Variants in POF1B observed in about 807,000 individuals in gnomAD.
The protein encoded by POF1B is POF1B actin binding protein.
Under a neutral mutation model 55.3 loss-of-function variants are expected in POF1B, and 53 were observed. That is an observed-to-expected ratio of 0.96 (90% CI 0.77 to 1.20). The LOEUF (loss-of-function observed/expected upper bound fraction) is 1.20. Among genes scored for constraint, POF1B ranks in the 50% most tolerant of loss-of-function variants. The pLI is 0.00. For synonymous variants in POF1B, 188 were observed against 148.3 expected (o/e 1.27, Z -1.95); for missense variants, 478 against 420.5 (o/e 1.14, Z -1.20).
chrX:85,307,664 G>A (rs1460698933), intron 10 of POF1B, among the ~76,000 whole-genome samples: 1 of 111,858 alleles, frequency 8.9e-6, no homozygotes, highest in East Asian at 2.8e-4. Flanking sequence ...TATTCAATGT[G>A]TGGAAAGCAT....
intron 5 of POF1B, among the ~76,000 whole-genome samples, chrX:85,347,387 A>G (rs924943472): frequency 3.6e-5 from 4 of 111,327 alleles, no homozygotes; most frequent in Admixed American, 9.6e-5. Flanking sequence ...AAAAGTACAA[A>G]AGAATGAAAT....
Position 85,349,753 on chromosome X carries a change from C to T in POF1B, c.540+1597G>A, listed in dbSNP as rs145140235. Among the ~76,000 whole-genome samples, 1,055 of 111,140 alleles carry T rather than the reference C, an allele frequency of 9.5e-3. 6 individuals carry two copies. Among genetic ancestry groups the T allele is most frequent in the Non-Finnish European group, 0.016 (825 of 52,746 alleles). On this transcript the variant is annotated intron_variant, in intron 5 of 16. Coordinates refer to ENST00000262753, the MANE Select transcript of POF1B (RefSeq NM_024921.4). ...AGCTTCAGAGAGAACATAGCCCTGC[C>T]AACATAGTAATTTCAGACTTCTGGC...
intron 2 of POF1B, among the ~76,000 whole-genome samples, chrX:85,372,772 AC>A (rs1170889192): frequency 2.0e-5 from 2 of 101,497 alleles, no homozygotes; most frequent in African/African-American, 7.2e-5. Flanking sequence ...TATTATATAT[AC>A]TATATATATA....
chrX:85,283,860 T>C (rs893855984), intron 15 of POF1B, among the ~76,000 whole-genome samples: 5 of 111,153 alleles, frequency 4.5e-5, no homozygotes, highest in African/African-American at 1.6e-4. Context: ...AACTTCTCAG[T>C]CACAATGAAA....
chrX:85,303,427 C>T lies in POF1B; in HGVS notation c.1628G>A (p.Arg543Lys). 1 of 1,185,228 alleles carries T rather than the reference C, an allele frequency of 8.4e-7. No homozygotes were observed. Among genetic ancestry groups the T allele is most frequent in the Non-Finnish European group, 1.1e-6 (1 of 875,544 alleles). ...TTACTTTTTAGTGGTAATAGTAGTC[C>T]TTCCACCAGTGGAGGGTTGGTTATG... ...SSHNQPSTGG[R>K]TTITTKKYRT... The change falls in exon 15 of 17, where the codon AGG becomes AAG. Residue 543 changes from arginine to lysine, a missense_variant. Arg to Lys is a conservative substitution (Grantham distance 26). Coordinates refer to ENST00000262753, the MANE Select transcript of POF1B (RefSeq NM_024921.4).
At chrX:85,321,079 C>T (rs995022801) in intron 7 of POF1B, among the ~76,000 whole-genome samples, 1 of 111,831 alleles carries the variant, frequency 8.9e-6, no homozygotes, top group Non-Finnish European at 1.9e-5. Flanking sequence ...GGAATCTTCC[C>T]TAATTCATTT....
chrX:85,298,060 G>C (rs1932347389), intron 15 of POF1B, among the ~76,000 whole-genome samples: 1 of 112,375 alleles, frequency 8.9e-6, no homozygotes, highest in African/African-American at 3.2e-5. Flanking sequence ...TGTTGTGCTA[G>C]GAGAGCTGAA....
chrX:85,351,202 T>G (rs1418630124), intron 5 of POF1B, 148 bp downstream of exon 5: 4 of 355,553 alleles, frequency 1.1e-5, no homozygotes, highest in Admixed American at 6.0e-5. Flanking sequence ...GTATTAAGGA[T>G]GGTATGAAGG....
intron 3 of POF1B, among the ~76,000 whole-genome samples, chrX:85,360,657 C>CATGT (rs1315132067): frequency 9.6e-6 from 1 of 104,306 alleles, no homozygotes; most frequent in African/African-American, 3.6e-5. Context: ...CATTCATGTA[C>CATGT]ATGTGTCTTT....
chrX:85,365,719 AG>A (rs1933708810), intron 3 of POF1B, among the ~76,000 whole-genome samples: 1 of 111,604 alleles, frequency 9.0e-6, no homozygotes, highest in African/African-American at 3.3e-5. Context: ...TTGGCACTCC[AG>A]GGATGTCCAT....
intron 15 of POF1B, among the ~76,000 whole-genome samples, chrX:85,283,524 TAAAAG>T (rs1159453199): frequency 3.6e-5 from 4 of 109,905 alleles, no homozygotes; most frequent in Admixed American, 2.0e-4. Flanking sequence ...AAATAAAACA[TAAAAG>T]AAAACGGAAA....
At chrX:85,302,209 G>A (rs563914811) in intron 15 of POF1B, among the ~76,000 whole-genome samples, 1 of 111,174 alleles carries the variant, frequency 9.0e-6, no homozygotes, top group African/African-American at 3.3e-5. Flanking sequence ...TCTCTGATAA[G>A]GGACTTGTGA....
chrX:85,348,940 A>G (rs1257258319), intron 5 of POF1B, among the ~76,000 whole-genome samples: 1 of 111,483 alleles, frequency 9.0e-6, no homozygotes, highest in African/African-American at 3.2e-5. Flanking sequence ...AAACGTGTCA[A>G]ACTTATTTTT....
At chrX:85,351,670 T>G (rs932006235) in intron 4 of POF1B, among the ~76,000 whole-genome samples, 1 of 110,738 alleles carries the variant, frequency 9.0e-6, no homozygotes, top group Non-Finnish European at 1.9e-5. Context: ...CTATTACATT[T>G]TACTAAGCCT....
At chrX:85,284,580 T>C (rs1362682793) in intron 15 of POF1B, among the ~76,000 whole-genome samples, 4 of 111,593 alleles carry the variant, frequency 3.6e-5, no homozygotes, top group Non-Finnish European at 7.5e-5. Flanking sequence ...TAATAAATGG[T>C]GCTGGGAAAA....
chrX:85,374,604 G>T (rs1480038977), intron 2 of POF1B, among the ~76,000 whole-genome samples: 1 of 112,253 alleles, frequency 8.9e-6, no homozygotes, highest in Admixed American at 9.4e-5. Flanking sequence ...TGGAAGGTTT[G>T]TGTATGCTCC....
At chrX:85,325,782 G>T (rs750374007) in intron 7 of POF1B, among the ~76,000 whole-genome samples, 1 of 112,023 alleles carries the variant, frequency 8.9e-6, no homozygotes, top group East Asian at 2.8e-4. Context: ...TCTTGCACTG[G>T]TTATCTCTAA....
chrX:85,370,637 C>T (rs754978173), intron 2 of POF1B, among the ~76,000 whole-genome samples: 1 of 111,261 alleles, frequency 9.0e-6, no homozygotes, highest in Non-Finnish European at 1.9e-5. Context: ...TGGAAGTCTA[C>T]AAAATTAAGT....
intron 15 of POF1B, among the ~76,000 whole-genome samples, chrX:85,298,417 G>A (rs775134220): frequency 4.2e-4 from 47 of 111,547 alleles, no homozygotes; most frequent in African/African-American, 1.3e-3. Context: ...GGTACATGGT[G>A]AAAGTGGGTT....
Sources: allele counts gnomAD v4.1 joint callset (sites outside exome capture counted in the v4.1 genomes callset), GRCh38; gene constraint gnomAD v4.1.1; transcripts MANE v1.5; gene names NCBI Gene and HGNC (gene_info 2026-07-23, HGNC 2026-07-21).